MAOB: variants seen among roughly 807,000 people sequenced by gnomAD.
The protein encoded by MAOB is monoamine oxidase B, also known as amine oxidase [flavin-containing] B.
A neutral mutation model predicts 41.9 loss-of-function variants in MAOB; 15 were observed. The observed-to-expected ratio is 0.36, with a 90% confidence interval of 0.24 to 0.55. The LOEUF (loss-of-function observed/expected upper bound fraction) is 0.55, where lower values mean the gene tolerates loss of function less well. Among genes scored for constraint, MAOB ranks in the 20% least tolerant of loss-of-function variants. MAOB has a pLI of 0.86. For synonymous variants in MAOB, 167 were observed against 144.2 expected (o/e 1.16, Z -1.13); for missense variants, 345 against 398.7 (o/e 0.87, Z 1.15).
rs183997099 is a variant in MAOB, at chrX:43,818,099, C to T, written c.280-14695G>A. On this transcript the variant is annotated intron_variant, in intron 3 of 14. Transcript: ENST00000378069. ...AGATTCAGAGCACATAGTAATAATG[C>T]TCATATAAACAAAGTCATACAATAT... Among the ~76,000 whole-genome samples, 14 of 112,184 alleles carry T rather than the reference C, an allele frequency of 1.2e-4. No homozygotes were observed. The Admixed American group carries it at 1.3e-3, about 11-fold the overall frequency.
chrX:43,878,735 C>T (rs1362939868), intron 1 of MAOB, among the ~76,000 whole-genome samples: 9 of 110,807 alleles, frequency 8.1e-5, no homozygotes, highest in Non-Finnish European at 1.7e-4. Flanking sequence ...CTGCCCACCA[C>T]ACACCTCAAC....
intron 3 of MAOB, among the ~76,000 whole-genome samples, chrX:43,826,601 G>T (rs2034950390): frequency 8.9e-6 from 1 of 112,195 alleles, no homozygotes; most frequent in Non-Finnish European, 1.9e-5. Context: ...AGTTCTGGAG[G>T]CTGGGAAGTC....
At chrX:43,774,469 T>TAA (rs748828617) in intron 12 of MAOB, among the ~76,000 whole-genome samples, 1 of 111,140 alleles carries the variant, frequency 9.0e-6, no homozygotes, top group South Asian at 3.7e-4. Flanking sequence ...GATCAAAAAA[T>TAA]AAAAAAAACT....
intron 8 of MAOB, among the ~76,000 whole-genome samples, chrX:43,789,645 T>C (rs1420232455): frequency 1.8e-5 from 2 of 111,401 alleles, no homozygotes; most frequent in Non-Finnish European, 3.8e-5. Flanking sequence ...AGACTTAGAA[T>C]GCCTCAGTGG....
chrX:43,850,257 C>G, intron 1 of MAOB: 1 of 603,746 alleles, frequency 1.7e-6, no homozygotes, highest in Non-Finnish European at 2.0e-6. Flanking sequence ...AAACAAAATT[C>G]TTGAAACATG....
At chrX:43,787,988 AGG>A (rs1469914094) in intron 8 of MAOB, among the ~76,000 whole-genome samples, 1 of 111,784 alleles carries the variant, frequency 8.9e-6, no homozygotes, top group Non-Finnish European at 1.9e-5. Flanking sequence ...GTTGCTATAA[AGG>A]GATACCTGAG....
At chrX:43,825,779 T>C (rs2034938398) in intron 3 of MAOB, among the ~76,000 whole-genome samples, 1 of 112,279 alleles carries the variant, frequency 8.9e-6, no homozygotes, top group East Asian at 2.8e-4. Flanking sequence ...TTAACTAAAC[T>C]TGAGCTCTAA....
In MAOB at chrX:43,767,137, T is replaced by C; in HGVS notation, c.*329A>G. On this transcript the variant is annotated 3_prime_UTR_variant, in exon 15 of 15. Transcript: ENST00000378069. ...AAGAACAAGCACAAAGCCATAATGG[T>C]AGGAAAAAATTCATTCCTTGTGCAT... The C allele has an allele frequency of 4.5e-6, 1 of 223,103 alleles. No homozygotes were observed. The allele number at this position is 223,103 out of a possible 1,213,427, so 18.4% of individuals were successfully genotyped here.
At chrX:43,810,792 T>C (rs1483080519) in intron 3 of MAOB, among the ~76,000 whole-genome samples, 2 of 111,549 alleles carry the variant, frequency 1.8e-5, no homozygotes, top group Non-Finnish European at 3.8e-5. Flanking sequence ...GGAATCATGA[T>C]ACCTATCTTG....
chrX:43,775,125 G>A, intron 12 of MAOB, 50 bp downstream of exon 12: 1 of 1,060,994 alleles, frequency 9.4e-7, no homozygotes, highest in Non-Finnish European at 1.2e-6. Context: ...TTAGGTTTTG[G>A]ATTCAGGTGC....
intron 3 of MAOB, among the ~76,000 whole-genome samples, chrX:43,825,300 A>G (rs1169871364): frequency 9.0e-6 from 1 of 111,425 alleles, no homozygotes; most frequent in Non-Finnish European, 1.9e-5. Flanking sequence ...AGTGCTGTAA[A>G]CGTAAGCTTT....
chrX:43,820,868 T>C (rs1308468551), intron 3 of MAOB, among the ~76,000 whole-genome samples: 4 of 112,469 alleles, frequency 3.6e-5, no homozygotes, highest in Non-Finnish European at 7.5e-5. Flanking sequence ...CACTTTTCTT[T>C]CCACAAAAAG....
chrX:43,781,294 G>C (rs1394073488), intron 9 of MAOB, among the ~76,000 whole-genome samples, 154 bp downstream of exon 9: 1 of 111,562 alleles, frequency 9.0e-6, no homozygotes, highest in Non-Finnish European at 1.9e-5. Context: ...ATTTAGAAAA[G>C]AACCAGTAAT....
chrX:43,784,567 A>G (rs1034483309), intron 8 of MAOB, among the ~76,000 whole-genome samples: 1 of 111,981 alleles, frequency 8.9e-6, no homozygotes, highest in Non-Finnish European at 1.9e-5. Flanking sequence ...TATTCAGTAA[A>G]CCATGCTATA....
chrX:43,837,828 G>A lies in MAOB; in HGVS notation c.279+1040C>T, dbSNP rs138120435. The stretch of plus-strand genomic sequence containing the variant: ...GGAAAGACTGAAATTGAAAACCTCC[G>A]CCAGTTCTTCCATGGGACTCCTGGA... On this transcript the variant is annotated intron_variant, in intron 3 of 14. Coordinates refer to ENST00000378069, the MANE Select transcript of MAOB (RefSeq NM_000898.5). 1,505 of 326,994 alleles carry A rather than the reference G, an allele frequency of 4.6e-3. 8 individuals are homozygous for A. Among genetic ancestry groups the A allele is most frequent in the Non-Finnish European group, 6.1e-3 (1,036 of 168,628 alleles). The allele number at this position is 326,994 out of a possible 1,213,427, so 26.9% of individuals were successfully genotyped here.
chrX:43,859,059 G>T (rs1380002650), intron 1 of MAOB, among the ~76,000 whole-genome samples: 3 of 110,796 alleles, frequency 2.7e-5, no homozygotes, highest in Non-Finnish European at 5.7e-5. Context: ...AGTTGTCAGG[G>T]TCAAGTATCA....
intron 3 of MAOB, among the ~76,000 whole-genome samples, chrX:43,807,402 G>A (rs571675263): frequency 6.9e-4 from 77 of 112,381 alleles, no homozygotes; most frequent in African/African-American, 2.5e-3. Flanking sequence ...AGCATAAACA[G>A]TTGGGTTAGG....
At chrX:43,793,614 G>C (rs201386691) in intron 7 of MAOB, 36 bp from the exon 8 acceptor site, 1 of 1,111,717 alleles carries the variant, frequency 9.0e-7, no homozygotes, top group Admixed American at 2.6e-5. Context: ...CATTGTTGCC[G>C]TGTTGCTTTT....
chrX:43,789,484 G>C (rs371846987), intron 8 of MAOB, among the ~76,000 whole-genome samples: 1 of 112,178 alleles, frequency 8.9e-6, no homozygotes, highest in African/African-American at 3.2e-5. Flanking sequence ...AAATATTCAA[G>C]GGAAAGTAGA....
Sources: allele counts gnomAD v4.1 joint callset (sites outside exome capture counted in the v4.1 genomes callset), GRCh38; gene constraint gnomAD v4.1.1; transcripts MANE v1.5; gene names NCBI Gene and HGNC (gene_info 2026-07-23, HGNC 2026-07-21).